Variants in BACH2 observed in about 807,000 individuals in gnomAD.
The protein encoded by BACH2 is transcription regulator protein BACH2.
BACH2 carries 5 observed loss-of-function variants against 61.8 expected under a neutral mutation model. That is an observed-to-expected ratio of 0.08 (90% CI 0.04 to 0.17). The LOEUF (loss-of-function observed/expected upper bound fraction) is 0.17, where lower values mean the gene tolerates loss of function less well. Ranked by LOEUF, BACH2 falls within the 10% of genes least tolerant of loss-of-function variation. The pLI, the probability that BACH2 is intolerant of heterozygous loss-of-function variation, is 1.00. For missense variants in BACH2, 824 were observed against 1,091.1 expected (o/e 0.76, Z 3.45); for synonymous variants, 446 against 440.1 (o/e 1.01, Z -0.17).
intron 5 of BACH2, among the ~76,000 whole-genome samples, chr6:90,053,376 C>G (rs1034358037): frequency 6.6e-6 from 1 of 152,082 alleles, no homozygotes; most frequent in African/African-American, 2.4e-5. Flanking sequence ...AACTCCTGTG[C>G]TCTAGTGATT....
At chr6:89,949,121 T>C (rs183973750) in intron 7 of BACH2, among the ~76,000 whole-genome samples, 3 of 152,348 alleles carry the variant, frequency 2.0e-5, no homozygotes, top group Non-Finnish European at 2.9e-5. Context: ...TCATCCCGTA[T>C]GGCATTTCTG....
At chr6:90,082,633 A>G (rs1781771985) in intron 5 of BACH2, among the ~76,000 whole-genome samples, 1 of 152,192 alleles carries the variant, frequency 6.6e-6, no homozygotes, top group Non-Finnish European at 1.5e-5. Context: ...CAGGTAGGTT[A>G]TATTTGGGCA....
At chr6:90,089,283 T>C (rs190139657) in intron 4 of BACH2, among the ~76,000 whole-genome samples, 174 bp from the exon 5 acceptor site, 6 of 152,102 alleles carry the variant, frequency 3.9e-5, no homozygotes, top group East Asian at 1.9e-4. Context: ...TAAGACACCA[T>C]AGCCCGTGGT....
chr6:90,157,076 G>A (rs1429713723), intron 4 of BACH2, among the ~76,000 whole-genome samples: 9 of 152,208 alleles, frequency 5.9e-5, no homozygotes, highest in Non-Finnish European at 1.3e-4. Context: ...AAATTGCTGG[G>A]TATGACTTAA....
intron 4 of BACH2, among the ~76,000 whole-genome samples, chr6:90,157,515 G>A (rs1194753956): frequency 6.6e-6 from 1 of 152,220 alleles, no homozygotes; most frequent in South Asian, 2.1e-4. Flanking sequence ...CCCAGGACTG[G>A]TTTAGCCCAC....
At chr6:90,175,665 A>G (rs1440567055) in intron 4 of BACH2, among the ~76,000 whole-genome samples, 1 of 152,196 alleles carries the variant, frequency 6.6e-6, no homozygotes. Flanking sequence ...AGAAGGTATC[A>G]TTATGTATTT....
At chr6:90,259,650 C>A (rs1443410561) in intron 2 of BACH2, among the ~76,000 whole-genome samples, 1 of 152,134 alleles carries the variant, frequency 6.6e-6, no homozygotes, top group Non-Finnish European at 1.5e-5. Context: ...GTACTGGTAT[C>A]AATTCTTTGA....
chr6:89,960,905 T>G (rs1774706499), intron 6 of BACH2, among the ~76,000 whole-genome samples: 1 of 152,196 alleles, frequency 6.6e-6, no homozygotes, highest in South Asian at 2.1e-4. Flanking sequence ...AACTGCCCCT[T>G]AGGTATTTCT....
At chr6:90,205,350 CTCATAGGA>C (rs1345236647) in intron 4 of BACH2, among the ~76,000 whole-genome samples, 22 of 152,224 alleles carry the variant, frequency 1.4e-4, no homozygotes, top group Admixed American at 7.2e-4. Flanking sequence ...CCTTCAGTGG[CTCATAGGA>C]TCTGGCCCTT....
intron 5 of BACH2, among the ~76,000 whole-genome samples, chr6:90,077,531 T>C (rs1366347882): frequency 6.6e-6 from 1 of 152,140 alleles, no homozygotes; most frequent in East Asian, 1.9e-4. Flanking sequence ...AGACTGATGG[T>C]TCCTAACACA....
In BACH2 at chr6:90,295,654, G is replaced by GGTGTGTGTGT. The variant is rs138869202; in HGVS notation, c.-446+816_-446+825dup. Among the ~76,000 whole-genome samples, 1,376 of 147,812 alleles carry GGTGTGTGTGT rather than the reference G, an allele frequency of 9.3e-3. 17 individuals carry two copies. The highest frequency in any genetic ancestry group is 0.025 in the African/African-American group (1,017 of 40,256). Reference sequence around the variant, plus strand: ...CTGGGGCTTGGAGACTGGAGTGTAGGGTGTGTGTGTGTGTGTGTGTGTGTG... The same window carrying GGTGTGTGTGT: ...CTGGGGCTTGGAGACTGGAGTGTAGGGTGTGTGTGTGTGTGTGTGTGTGTGTGTGTGTGTG... On this transcript the variant is annotated intron_variant, in intron 1 of 8. Coordinates refer to ENST00000257749, the MANE Select transcript of BACH2 (RefSeq NM_021813.4).
intron 5 of BACH2, among the ~76,000 whole-genome samples, chr6:90,067,531 G>A (rs1267510048): frequency 6.6e-6 from 1 of 152,166 alleles, no homozygotes; most frequent in Non-Finnish European, 1.5e-5. Flanking sequence ...CCCTTCCAGG[G>A]ATTGGCCACA....
At chr6:90,258,851 T>G (rs1429803622) in intron 2 of BACH2, among the ~76,000 whole-genome samples, 1 of 152,212 alleles carries the variant, frequency 6.6e-6, no homozygotes, top group Non-Finnish European at 1.5e-5. Context: ...CATGTTCTTT[T>G]CAAACAGACT....
intron 3 of BACH2, among the ~76,000 whole-genome samples, chr6:90,211,141 A>G (rs1297054236): frequency 3.3e-5 from 5 of 151,078 alleles, no homozygotes; most frequent in African/African-American, 1.2e-4. Flanking sequence ...AAAAAAAAAA[A>G]AAAAAAAAGG....
At chr6:89,970,305 C>G (rs1192701594) in intron 6 of BACH2, among the ~76,000 whole-genome samples, 1 of 152,158 alleles carries the variant, frequency 6.6e-6, no homozygotes, top group Non-Finnish European at 1.5e-5. Context: ...GCGCCGCCGA[C>G]AGGCTTTGAT....
intron 4 of BACH2, among the ~76,000 whole-genome samples, chr6:90,100,923 C>T (rs748780559): frequency 1.3e-5 from 2 of 152,152 alleles, no homozygotes; most frequent in Non-Finnish European, 1.5e-5. Flanking sequence ...TTATTACTGT[C>T]TTTTAGACTT....
At position 90,091,745 on chromosome 6, in the gene BACH2, A is replaced by T. The variant is rs553570065; in HGVS notation, c.-161-2636T>A. Among the ~76,000 whole-genome samples, 105 of 152,238 alleles carry T rather than the reference A, an allele frequency of 6.9e-4. 1 individual carries two copies. In the South Asian group the frequency reaches 0.022, roughly 32 times the overall value. On this transcript the variant is annotated intron_variant, in intron 4 of 8. Coordinates refer to ENST00000257749, the MANE Select transcript of BACH2 (RefSeq NM_021813.4). ...TATGGTTTGAGGAGTGGGGGGTGCA[A>T]AAAATTTCAATCCTATTTTGGGAGT...
chr6:90,126,569 G>A (rs1783860122), intron 4 of BACH2, among the ~76,000 whole-genome samples: 1 of 152,222 alleles, frequency 6.6e-6, no homozygotes, highest in African/African-American at 2.4e-5. Context: ...CCCTAGTGAA[G>A]TGATTATGTT....
rs547175093 is a variant in BACH2, at chr6:90,138,603, T to C, written c.-161-49494A>G. ...AGTCTTCTCCTTAAAAAAAAAATCATTGAAAAAAATCACTATAATAGCTTG... is the reference window on the plus strand; with the variant it reads ...AGTCTTCTCCTTAAAAAAAAAATCACTGAAAAAAATCACTATAATAGCTTG... On this transcript the variant is annotated intron_variant, in intron 4 of 8. Transcript: ENST00000257749. Among the ~76,000 whole-genome samples the C allele has an allele frequency of 1.8e-4, 28 of 152,002 alleles. No homozygotes were observed. In the South Asian group the frequency reaches 1.9e-3, roughly 10 times the overall value.
Sources: allele counts gnomAD v4.1 joint callset (sites outside exome capture counted in the v4.1 genomes callset), GRCh38; gene constraint gnomAD v4.1.1; transcripts MANE v1.5; gene names NCBI Gene and HGNC (gene_info 2026-07-23, HGNC 2026-07-21).